Variants in TMEM132D observed in about 807,000 individuals in gnomAD.
TMEM132D encodes transmembrane protein 132D.
In TMEM132D, 21 loss-of-function variants were observed where a neutral mutation model predicts 62.3. The observed-to-expected ratio is 0.34, with a 90% CI of 0.24 to 0.49. The LOEUF is 0.49. Ranked by LOEUF, TMEM132D falls within the 20% of genes least tolerant of loss-of-function variation. TMEM132D has a pLI of 0.99. For synonymous variants in TMEM132D, 621 were observed against 575.6 expected (o/e 1.08, Z -1.13); for missense variants, 1,346 against 1,402.8 (o/e 0.96, Z 0.65).
intron 3 of TMEM132D, among the ~76,000 whole-genome samples, chr12:129,393,347 A>G (rs1270873033): frequency 6.6e-6 from 1 of 152,202 alleles, no homozygotes; most frequent in Non-Finnish European, 1.5e-5. Flanking sequence ...ATGTTGTTTA[A>G]AAGTGTCAAT....
intron 4 of TMEM132D, among the ~76,000 whole-genome samples, chr12:129,304,124 C>G (rs938227399): frequency 6.6e-6 from 1 of 152,222 alleles, no homozygotes; most frequent in Admixed American, 6.5e-5. Flanking sequence ...TCTGGCTATC[C>G]GTGAGCCCAA....
At chr12:129,775,275 G>C (rs1481823669) in intron 1 of TMEM132D, among the ~76,000 whole-genome samples, 2 of 152,122 alleles carry the variant, frequency 1.3e-5, no homozygotes, top group Admixed American at 6.5e-5. Flanking sequence ...TGCAAGTAAG[G>C]CTTTGGATGT....
chr12:129,669,152 C>T (rs649605), intron 2 of TMEM132D, among the ~76,000 whole-genome samples: 115,569 of 152,180 alleles, frequency 0.76, 44,323 homozygotes, highest in East Asian at 0.85. Flanking sequence ...AAAATAAGTA[C>T]TCTTGCTACA....
At chr12:129,725,934 T>G (rs11060514) in intron 1 of TMEM132D, among the ~76,000 whole-genome samples, 9,247 of 152,304 alleles carry the variant, frequency 0.061, 330 homozygotes, top group South Asian at 0.13. Context: ...TGCACAATAT[T>G]TTCTATGCAG....
At chr12:129,379,042 C>A (rs185006727) in intron 3 of TMEM132D, among the ~76,000 whole-genome samples, 1 of 152,044 alleles carries the variant, frequency 6.6e-6, no homozygotes, top group African/African-American at 2.4e-5. Context: ...CTTTAATGAA[C>A]CTGATTATGG....
intron 1 of TMEM132D, chr12:129,840,511 G>C (rs1408078321): frequency 6.6e-6 from 1 of 152,170 alleles, no homozygotes; most frequent in Non-Finnish European, 1.5e-5. Flanking sequence ...TATAATTAGA[G>C]AAAAATAAAA....
rs1015662645 is a variant in TMEM132D, at chr12:129,073,074, T to C, written c.*801A>G. The C allele has an allele frequency of 6.6e-6, 1 of 152,174 alleles. No individual in the cohort carries two copies. The highest frequency in any genetic ancestry group is 1.5e-5 in the Non-Finnish European group (1 of 68,036). 9.4% of individuals were successfully genotyped at this position (152,174 alleles called of 1,614,324 possible). A position where few individuals can be genotyped will look rare whatever the true frequency, so the allele number is the denominator to read the frequency against. On this transcript the variant is annotated 3_prime_UTR_variant, in exon 9 of 9. Coordinates refer to ENST00000422113, the MANE Select transcript of TMEM132D (RefSeq NM_133448.3). ...GGAGGATGGCAATGCAGTGGAGGAA[T>C]AGAAATGGATACATTGTGAACTTGA...
rs532561080 is a variant in TMEM132D at position 129,431,656 on chromosome 12, T to C, written c.1116-93839A>G. ...GCTTCTACCTTTGAGCCCAGCAATT[T>C]ACCGTTCATGCAACATCCATATATG... On this transcript the variant is annotated intron_variant, in intron 3 of 8. Coordinates refer to ENST00000422113, the MANE Select transcript of TMEM132D (RefSeq NM_133448.3). Among the ~76,000 whole-genome samples, 24 of 152,314 alleles carry C rather than the reference T, an allele frequency of 1.6e-4. No individual in the cohort carries two copies. The South Asian group carries it at 1.7e-3, about 11-fold the overall frequency.
Position 129,741,751 on chromosome 12 carries a change from G to A in TMEM132D, c.80-41053C>T, listed in dbSNP as rs904794700. Among the ~76,000 whole-genome samples, 6 of 152,180 alleles carry A rather than the reference G, an allele frequency of 3.9e-5. No homozygotes were observed. In the East Asian group the frequency reaches 7.7e-4, roughly 20 times the overall value. On this transcript the variant is annotated intron_variant, in intron 1 of 8. Coordinates refer to ENST00000422113, the MANE Select transcript of TMEM132D (RefSeq NM_133448.3). The stretch of plus-strand genomic sequence containing the variant: ...AAATAAGACTTTAAGTCCTATCTGT[G>A]CGACTTTAAATGAGTGATGCTAGTC...
intron 3 of TMEM132D, among the ~76,000 whole-genome samples, chr12:129,484,155 A>C (rs781531878): frequency 2.0e-5 from 3 of 152,094 alleles, no homozygotes; most frequent in Non-Finnish European, 4.4e-5. Flanking sequence ...TTTTTAGTAG[A>C]GATGGGGATT....
intron 3 of TMEM132D, among the ~76,000 whole-genome samples, chr12:129,391,923 A>T (rs1310065207): frequency 6.7e-6 from 1 of 150,162 alleles, no homozygotes; most frequent in African/African-American, 2.5e-5. Context: ...TGCCCAGCTA[A>T]TTTTTGTAGT....
At chr12:129,377,488 C>T (rs184163471) in intron 3 of TMEM132D, among the ~76,000 whole-genome samples, 1 of 152,144 alleles carries the variant, frequency 6.6e-6, no homozygotes, top group Admixed American at 6.5e-5. Flanking sequence ...AATAATTTCT[C>T]CATCTCCATC....
Position 129,081,962 on chromosome 12 carries a change from G to A in TMEM132D, c.1720C>T (p.His574Tyr), listed in dbSNP as rs1458505012. 2 of 1,614,064 alleles carry A rather than the reference G, an allele frequency of 1.2e-6. No individual in the cohort carries two copies. The highest frequency in any genetic ancestry group is 3.3e-5 in the Admixed American group (2 of 60,016). ...RGRGCTLQYQ[H>Y]AMVRVLTQFV... The stretch of plus-strand genomic sequence containing the variant: ...TGCGTCAGGACCCGCACCATGGCGT[G>A]CTGGTACTGCAGGGTGCAGCCGCGG... Residue 574 changes from histidine (H) to tyrosine (Y), a missense_variant, in exon 7 of 9, where the codon CAC (histidine) becomes TAC (tyrosine). Transcript: ENST00000422113.
intron 5 of TMEM132D, chr12:129,110,351 G>T (rs1875651925): frequency 6.6e-6 from 1 of 152,036 alleles, no homozygotes; most frequent in Non-Finnish European, 1.5e-5. Context: ...CCTCCCTCCC[G>T]ACCATTGAGA....
At chr12:129,205,080 A>G (rs1878805252) in intron 5 of TMEM132D, among the ~76,000 whole-genome samples, 1 of 152,196 alleles carries the variant, frequency 6.6e-6, no homozygotes, top group African/African-American at 2.4e-5. Flanking sequence ...ACACTTCCAT[A>G]CACAGAACAG....
chr12:129,369,952 G>A (rs1248238460), intron 3 of TMEM132D, among the ~76,000 whole-genome samples: 2 of 152,220 alleles, frequency 1.3e-5, no homozygotes, highest in African/African-American at 4.8e-5. Context: ...GGGTCACACA[G>A]TGGGAGCACA....
At chr12:129,578,500 A>T (rs1413890562) in intron 2 of TMEM132D, among the ~76,000 whole-genome samples, 1 of 151,322 alleles carries the variant, frequency 6.6e-6, no homozygotes, top group East Asian at 1.9e-4. Context: ...TATATCTATT[A>T]TACAATACAC....
chr12:129,285,771 T>C (rs1225416509), intron 4 of TMEM132D, among the ~76,000 whole-genome samples: 1 of 152,070 alleles, frequency 6.6e-6, no homozygotes, highest in East Asian at 1.9e-4. Context: ...TTTTTTTTTC[T>C]CCCTCCATCA....
At chr12:129,608,510 G>C (rs1472275956) in intron 2 of TMEM132D, among the ~76,000 whole-genome samples, 1 of 152,186 alleles carries the variant, frequency 6.6e-6, no homozygotes, top group African/African-American at 2.4e-5. Flanking sequence ...TGACACTGTT[G>C]ATGAGAGACT....
Sources: allele counts gnomAD v4.1 joint callset (sites outside exome capture counted in the v4.1 genomes callset), GRCh38; gene constraint gnomAD v4.1.1; transcripts MANE v1.5; gene names NCBI Gene and HGNC (gene_info 2026-07-23, HGNC 2026-07-21).